The following SNX30 variants were observed in gnomAD, a reference collection of about 807,000 sequenced individuals.
SNX30 encodes the protein sorting nexin family member 30.
A neutral mutation model predicts 46.4 loss-of-function variants in SNX30; 24 were observed. The ratio of observed to expected loss-of-function variants is 0.52; its 90% confidence interval spans 0.37 to 0.73. SNX30 has a LOEUF of 0.73. Among genes scored for constraint, SNX30 ranks in the 30% least tolerant of loss-of-function variants. The pLI is 0.00. For missense variants in SNX30, 533 were observed against 555.7 expected (o/e 0.96, Z 0.41); for synonymous variants, 189 against 211.5 (o/e 0.89, Z 0.92).
In SNX30 at chr9:112,772,556, A is replaced by G. The variant is rs1839669473; in HGVS notation, c.156+21399A>G. Among the ~76,000 whole-genome samples the G allele has an allele frequency of 2.6e-5, 4 of 152,312 alleles. No individual in the cohort carries two copies. The South Asian group carries it at 8.3e-4, about 32-fold the overall frequency. ...GTGTCTCCCCTGCCATGGTTTGAGC[A>G]AAATGGTCACATCTTCACTTCCAGT... On this transcript the variant is annotated intron_variant, in intron 1 of 8. Coordinates refer to ENST00000374232, the MANE Select transcript of SNX30 (RefSeq NM_001012994.2).
At chr9:112,875,480 G>A (rs1014265564), downstream of SNX30, among the ~76,000 whole-genome samples, 2 of 152,208 alleles carry the variant, frequency 1.3e-5, no homozygotes, top group African/African-American at 2.4e-5. Context: ...TGAATAAGAC[G>A]TGGATCATGG....
chr9:112,807,467 G>T (rs959479019), intron 2 of SNX30, among the ~76,000 whole-genome samples: 2 of 152,184 alleles, frequency 1.3e-5, no homozygotes, highest in Non-Finnish European at 2.9e-5. Flanking sequence ...TGGGCACCTA[G>T]CCCAGACATT....
At chr9:112,797,778 C>T (rs766382876) in intron 1 of SNX30, among the ~76,000 whole-genome samples, 2 of 148,764 alleles carry the variant, frequency 1.3e-5, no homozygotes, top group African/African-American at 2.5e-5. Flanking sequence ...GGCATGATCC[C>T]GGCTCACTGC....
rs376592044 is a variant in SNX30 at position 112,853,678 on chromosome 9, G to A, written c.1101+2733G>A. Among the ~76,000 whole-genome samples the A allele has an allele frequency of 7.9e-5, 12 of 152,340 alleles. No individual in the cohort carries two copies. The South Asian group carries it at 1.9e-3, about 24-fold the overall frequency. On this transcript the variant is annotated intron_variant, in intron 7 of 8. Coordinates refer to ENST00000374232, the MANE Select transcript of SNX30 (RefSeq NM_001012994.2). ...GGAATCTAACAAAGTTGAAGTCATA[G>A]AAACAGAGAGTAGAACGGTGGTTGC...
At chr9:112,858,147 A>G (rs1841166606) in intron 7 of SNX30, among the ~76,000 whole-genome samples, 1 of 152,220 alleles carries the variant, frequency 6.6e-6, no homozygotes. Context: ...GTGCTGTGCC[A>G]TGTCAACATC....
intron 1 of SNX30, among the ~76,000 whole-genome samples, chr9:112,781,618 CTT>C (rs1839848235): frequency 6.6e-6 from 1 of 151,906 alleles, no homozygotes; most frequent in African/African-American, 2.4e-5. Context: ...TTTTTATTGT[CTT>C]GTTTAATTTT....
At chr9:112,812,089 C>T (rs982392664) in intron 2 of SNX30, among the ~76,000 whole-genome samples, 2 of 152,150 alleles carry the variant, frequency 1.3e-5, no homozygotes, top group South Asian at 2.1e-4. Flanking sequence ...AGCCTCATTC[C>T]TGGCTCTACT....
At chr9:112,813,564 G>A (rs1000619115) in intron 2 of SNX30, among the ~76,000 whole-genome samples, 1 of 150,008 alleles carries the variant, frequency 6.7e-6, no homozygotes, top group Admixed American at 6.7e-5. Context: ...TGCCTCCCAG[G>A]TTCAAGCAGT....
chr9:112,765,060 A>G (rs1588108105), intron 1 of SNX30, among the ~76,000 whole-genome samples: 1 of 152,296 alleles, frequency 6.6e-6, no homozygotes, highest in African/African-American at 2.4e-5. Context: ...GGGCCAATCA[A>G]CAGTGGCTTG....
At chr9:112,865,657 ATATATGTATG>A (rs1240638429) in intron 8 of SNX30, among the ~76,000 whole-genome samples, 18 of 81,420 alleles carry the variant, frequency 2.2e-4, no homozygotes, top group African/African-American at 1.1e-3. Context: ...ATATATATAT[ATATATGTATG>A]TATGTATGCA....
downstream of SNX30, among the ~76,000 whole-genome samples, chr9:112,882,132 A>C (rs1841584807): frequency 6.6e-6 from 1 of 152,138 alleles, no homozygotes. Flanking sequence ...TTTGAGACAG[A>C]GTCTTGCTCT....
intron 1 of SNX30, among the ~76,000 whole-genome samples, chr9:112,783,148 G>A (rs959845820): frequency 3.9e-5 from 6 of 152,234 alleles, no homozygotes; most frequent in African/African-American, 1.2e-4. Flanking sequence ...GGTGAATGTG[G>A]TGGTAGTTGG....
At chr9:112,818,745 T>G (rs553079525) in intron 3 of SNX30, among the ~76,000 whole-genome samples, 40 of 152,254 alleles carry the variant, frequency 2.6e-4, no homozygotes, top group African/African-American at 9.1e-4. Context: ...TCTCCCAGCC[T>G]TTTTCCCCCC....
In SNX30 at chr9:112,830,876, C is replaced by T; in HGVS notation, c.611C>T (p.Thr204Ile). The T allele has an allele frequency of 6.2e-7, 1 of 1,608,864 alleles. No individual in the cohort carries two copies. Among genetic ancestry groups the T allele is most frequent in the Non-Finnish European group, 8.5e-7 (1 of 1,178,408 alleles). Residue 204 changes from threonine to isoleucine, a missense_variant, in exon 4 of 9, where the codon ACT (threonine) becomes ATT (isoleucine). Physicochemically the swap from Thr to Ile is moderately conservative, Grantham distance 89. Around this residue, in one of 3 missense-constraint regions of SNX30, gnomAD observed 81 missense variants for 124.4 expected, o/e 0.65. Coordinates refer to ENST00000374232, the MANE Select transcript of SNX30 (RefSeq NM_001012994.2). ...SFNEHFNIFL[T>I]AKDLNAYKKQ... The stretch of plus-strand genomic sequence containing the variant: ...AATGAACACTTTAATATTTTCCTTA[C>T]TGCTAAGGTAAGGGCAGAAATTTAC...
At chr9:112,885,688 T>C (rs1055691255), downstream of SNX30, 1 of 152,208 alleles carries the variant, frequency 6.6e-6, no homozygotes, top group African/African-American at 2.4e-5. Context: ...AAATACCTCA[T>C]TGACACATTT....
intron 3 of SNX30, among the ~76,000 whole-genome samples, chr9:112,822,459 CT>C (rs1840515590): frequency 1.3e-5 from 2 of 151,814 alleles, no homozygotes; most frequent in Non-Finnish European, 1.5e-5. Flanking sequence ...GTATGTACCC[CT>C]GATACCATCA....
chr9:112,837,718 A>G (rs1320651258), intron 5 of SNX30, among the ~76,000 whole-genome samples: 1 of 151,268 alleles, frequency 6.6e-6, no homozygotes, highest in East Asian at 1.9e-4. Context: ...CCCATGATCC[A>G]CCCACCTCGG....
chr9:112,864,425 G>T, intron 8 of SNX30, 26 bp downstream of exon 8: 1 of 1,613,596 alleles, frequency 6.2e-7, no homozygotes, highest in Non-Finnish European at 8.5e-7. Flanking sequence ...AACAAGACTG[G>T]TTTCTAATGG....
intron 2 of SNX30, among the ~76,000 whole-genome samples, chr9:112,815,303 G>A (rs897523085): frequency 6.6e-6 from 1 of 151,378 alleles, no homozygotes; most frequent in Non-Finnish European, 1.5e-5. Context: ...TACATAAACT[G>A]TAATTTATGA....
Sources: gnomAD v4.1 joint callset for allele counts (sites outside exome capture counted in the v4.1 genomes callset) on GRCh38, gnomAD v4.1.1 for gene constraint, gnomAD v4.1.1 regional missense constraint, MANE v1.5 for transcripts, NCBI Gene and HGNC (gene_info 2026-07-23, HGNC 2026-07-21) for gene names.